Variants in DNAJC14 observed in about 807,000 individuals in gnomAD.
DNAJC14 encodes DnaJ heat shock protein family (Hsp40) member C14.
A neutral mutation model predicts 68.8 loss-of-function variants in DNAJC14; 12 were observed. The observed-to-expected ratio is 0.17, with a 90% CI of 0.11 to 0.28. The LOEUF (loss-of-function observed/expected upper bound fraction) is 0.28, where lower values mean the gene tolerates loss of function less well. Ranked by LOEUF, DNAJC14 falls within the 10% of genes least tolerant of loss-of-function variation. The pLI is 1.00. For synonymous variants in DNAJC14, 350 were observed against 321.5 expected (o/e 1.09, Z -0.95); for missense variants, 764 against 875.6 (o/e 0.87, Z 1.61).
At chr12:55,825,242 A>C (rs1880763440) in intron 2 of DNAJC14, among the ~76,000 whole-genome samples, 1 of 151,774 alleles carries the variant, frequency 6.6e-6, no homozygotes, top group Non-Finnish European at 1.5e-5. Flanking sequence ...GGTTTACTGT[A>C]CCTTTAATCA....
rs750924324 is a variant in DNAJC14, at chr12:55,828,149, T to C, written c.510A>G (p.Glu170=). Residue 170 remains glutamate, a synonymous_variant, in exon 2 of 7, where the codon GAA becomes GAG. Transcript: ENST00000678005. ...PALGEDELEE[E]YDDEESLKFP... is the part of the protein sequence containing the mutation. Reference sequence around the variant, plus strand: ...ACTTGAGAGATTCTTCATCATCATATTCCTCTTCCAACTCATCTTCCCCCA... The same window carrying C: ...ACTTGAGAGATTCTTCATCATCATACTCCTCTTCCAACTCATCTTCCCCCA... 1.2e-6 allele frequency: 2 copies of C among 1,611,232 alleles called. No homozygotes were observed. Among genetic ancestry groups the C allele is most frequent in the South Asian group, 1.1e-5 (1 of 90,682 alleles).
intron 4 of DNAJC14, 99 bp downstream of exon 4, chr12:55,822,971 T>C (rs1880708507): frequency 6.5e-7 from 1 of 1,544,676 alleles, no homozygotes; most frequent in Non-Finnish European, 8.7e-7. Context: ...AATTATGAGA[T>C]ACAGATGTAA....
At chr12:55,825,848 A>G (rs1474359437) in intron 2 of DNAJC14, among the ~76,000 whole-genome samples, 1 of 152,082 alleles carries the variant, frequency 6.6e-6, no homozygotes, top group African/African-American at 2.4e-5. Flanking sequence ...CTGGCCCTGC[A>G]CACCCTCTTA....
In DNAJC14 at chr12:55,823,270, CCT is replaced by C. The variant is rs1410527310; in HGVS notation, c.1515-83_1515-82del. ...ACATATCAGTTGGCCTCTTGAGGCC[CCT>C]GTCTAGCGAGAAAGACAAGTGACTT... On this transcript the variant is annotated intron_variant, in intron 3 of 6. Transcript: ENST00000678005. The C allele has an allele frequency of 1.9e-6, 3 of 1,603,732 alleles. No homozygotes were observed. In the African/African-American group the frequency reaches 4.0e-5, roughly 21 times the overall value.
At chr12:55,823,313 C>G (rs921639129) in intron 3 of DNAJC14, 89 bp downstream of exon 3, 2 of 1,597,256 alleles carry the variant, frequency 1.3e-6, no homozygotes, top group Non-Finnish European at 1.7e-6. Flanking sequence ...CTCTCCATCT[C>G]AACAAGCCTC....
intron 1 of DNAJC14, 52 bp downstream of exon 1, chr12:55,829,437 T>TC: frequency 9.3e-6 from 9 of 966,726 alleles, no homozygotes; most frequent in Non-Finnish European, 1.1e-5. Flanking sequence ...AGAGCGAGAC[T>TC]CCATCTCAAA....
rs919519572 is a variant in DNAJC14, at chr12:55,821,126, C to T, written c.*851G>A. The stretch of plus-strand genomic sequence containing the variant: ...GGAACCCCCGTATTCTTCCCCCTCA[C>T]CCAAGGGCAGTGGGCATGAATCTAC... On this transcript the variant is annotated 3_prime_UTR_variant, in exon 7 of 7. Coordinates refer to ENST00000678005, the MANE Select transcript of DNAJC14 (RefSeq NM_032364.6). 1 of 152,608 alleles carries T rather than the reference C, an allele frequency of 6.6e-6. No homozygotes were observed. Among genetic ancestry groups the T allele is most frequent in the African/African-American group, 2.4e-5 (1 of 41,426 alleles). The allele number at this position is 152,608 out of a possible 1,614,324, so 9.5% of individuals were successfully genotyped here.
intron 2 of DNAJC14, among the ~76,000 whole-genome samples, chr12:55,824,773 G>GA: frequency 6.6e-6 from 1 of 152,236 alleles, no homozygotes; most frequent in South Asian, 2.1e-4. Context: ...AAGAAAGTGA[G>GA]AAAAGAGCTC....
At position 55,827,556 on chromosome 12, in the gene DNAJC14, C is replaced by A. The variant is rs778577450; in HGVS notation, c.1103G>T (p.Trp368Leu). ...ACGCTGCAAGGCTGGAGAATCCAGC[C>A]AAGAGAAGAGCCAGGTAGCCTTATC... ...WRDKATWLFSWLDSPALQRCL... is the reference protein window; with the variant it reads ...WRDKATWLFSLLDSPALQRCL... The change falls in exon 2 of 7, where the codon TGG becomes TTG. Residue 368 changes from tryptophan (W) to leucine (L), a missense_variant. Around this residue, in one of 4 missense-constraint regions of DNAJC14, gnomAD observed 514 missense variants for 521.7 expected, o/e 0.99. Transcript: ENST00000678005. 6.2e-7 allele frequency: 1 copy of A among 1,606,470 alleles called. No individual in the cohort carries two copies. Among genetic ancestry groups the A allele is most frequent in the Non-Finnish European group, 8.5e-7 (1 of 1,173,624 alleles).
intron 2 of DNAJC14, among the ~76,000 whole-genome samples, chr12:55,826,510 T>C (rs1392027706): frequency 6.6e-6 from 1 of 151,950 alleles, no homozygotes; most frequent in Non-Finnish European, 1.5e-5. Flanking sequence ...TTCCTAAGAC[T>C]ATGTTAACCA....
Position 55,829,542 on chromosome 12 carries a change from G to A in DNAJC14, c.-110C>T. On this transcript the variant is annotated 5_prime_UTR_variant, in exon 1 of 7. Coordinates refer to ENST00000678005, the MANE Select transcript of DNAJC14 (RefSeq NM_032364.6). ...GAGCCGCCCGGCCTGGGGCCAGGGT[G>A]AGCTACGAGAGCCGCTCTCCCGGCT... The A allele has an allele frequency of 2.7e-5, 27 of 984,934 alleles. No individual in the cohort carries two copies. Among genetic ancestry groups the A allele is most frequent in the South Asian group, 4.7e-5 (1 of 21,292 alleles). The allele number at this position is 984,934 out of a possible 1,614,324, so 61.0% of individuals were successfully genotyped here.
In DNAJC14 at chr12:55,823,473, C is replaced by T. The variant is rs755128261; in HGVS notation, c.1443G>A (p.Glu481=). 4.3e-6 allele frequency: 7 copies of T among 1,614,056 alleles called. No individual in the cohort carries two copies. The African/African-American group carries it at 8.0e-5, about 18-fold the overall frequency. ...CTGCTCGCAAAACCTTGAAGGCCTC[C>T]TCAGCCCGGGGATGATGATTTTTGT... ...HPDKNHHPRA[E]EAFKVLRAAW... is the part of the protein sequence containing the mutation. The change falls in exon 3 of 7, where the codon GAG becomes GAA. Residue 481 remains glutamate (E), a synonymous_variant. Transcript: ENST00000678005.
Position 55,828,119 on chromosome 12 carries a change from G to A in DNAJC14, c.540C>T (p.Pro180=), listed in dbSNP as rs2136221201. 1 of 1,606,070 alleles carries A rather than the reference G, an allele frequency of 6.2e-7. No individual in the cohort carries two copies. The highest frequency in any genetic ancestry group is 1.7e-4 in the Middle Eastern group (1 of 6,012). ...CGCTGGACACACGTGAAAAATCACT[G>A]GGGAACTTGAGAGATTCTTCATCAT... is the stretch of plus-strand genomic sequence containing the variant. ...EYDDEESLKF[P]SDFSRVSSGK... The change falls in exon 2 of 7, where the codon CCC becomes CCT. Residue 180 remains proline, a synonymous_variant. Coordinates refer to ENST00000678005, the MANE Select transcript of DNAJC14 (RefSeq NM_032364.6).
chr12:55,822,738 A>C lies in DNAJC14; in HGVS notation c.1635-6T>G. On this transcript the variant is annotated splice_polypyrimidine_tract_variant and splice_region_variant and intron_variant, in intron 4 of 6. Coordinates refer to ENST00000678005, the MANE Select transcript of DNAJC14 (RefSeq NM_032364.6). ...CCCGGTCCATTTCAAACCTCCTGCA[A>C]CCAACAAAAGGATAGTTCCTTAATA... is the stretch of plus-strand genomic sequence containing the variant. 1 of 1,613,840 alleles carries C rather than the reference A, an allele frequency of 6.2e-7. No individual in the cohort carries two copies.
rs1157156911 is a variant in DNAJC14 at position 55,822,387 on chromosome 12, G to A, written c.1884C>T (p.Thr628=). The A allele has an allele frequency of 6.2e-7, 1 of 1,612,672 alleles. No homozygotes were observed. The highest frequency in any genetic ancestry group is 8.5e-7 in the Non-Finnish European group (1 of 1,180,014). ...ATACCACCTACCTCTGCCGCCCTCT[G>A]GTGCCTGGAATCCGAGAACCAAATG... The part of the protein sequence containing the change: ...HISFGSRIPG[T]RGRQRATPDA... The change falls in exon 6 of 7, where the codon ACC becomes ACT. Residue 628 remains threonine (T), a synonymous_variant. Coordinates refer to ENST00000678005, the MANE Select transcript of DNAJC14 (RefSeq NM_032364.6).
chr12:55,826,343 T>C (rs1334725507), intron 2 of DNAJC14, among the ~76,000 whole-genome samples: 1 of 143,386 alleles, frequency 7.0e-6, no homozygotes, highest in Non-Finnish European at 1.5e-5. Context: ...TGATCGCAGC[T>C]TGTTGCAGCC....
intron 3 of DNAJC14, 95 bp from the exon 4 acceptor site, chr12:55,823,284 A>T: frequency 6.2e-7 from 1 of 1,600,478 alleles, no homozygotes. Flanking sequence ...TCTAGCGAGA[A>T]AGACAAGTGA....
chr12:55,822,935 G>A, intron 4 of DNAJC14, 135 bp downstream of exon 4: 1 of 1,472,288 alleles, frequency 6.8e-7, no homozygotes, highest in Non-Finnish European at 9.1e-7. Context: ...ATATGACAAA[G>A]GTAGAAACTT....
At chr12:55,824,954 A>G (rs1293264348) in intron 2 of DNAJC14, among the ~76,000 whole-genome samples, 1 of 151,878 alleles carries the variant, frequency 6.6e-6, no homozygotes, top group African/African-American at 2.4e-5. Flanking sequence ...AACATAACAA[A>G]ACCCCATTTC....
Sources: allele counts gnomAD v4.1 joint callset (sites outside exome capture counted in the v4.1 genomes callset), GRCh38; gene constraint gnomAD v4.1.1; regional missense constraint gnomAD v4.1.1; transcripts MANE v1.5; gene names NCBI Gene and HGNC (gene_info 2026-07-23, HGNC 2026-07-21).